XKR9: variants seen among roughly 807,000 people sequenced by gnomAD.
The protein encoded by XKR9 is XK-related protein 9.
Under a neutral mutation model 32.0 loss-of-function variants are expected in XKR9, and 32 were observed. That is an observed-to-expected ratio of 1.00 (90% CI 0.76 to 1.34). XKR9 has a LOEUF of 1.34. Among genes scored for constraint, XKR9 ranks in the 40% most tolerant of loss-of-function variants. The pLI, the probability that XKR9 is intolerant of heterozygous loss-of-function variation, is 0.00. For missense variants in XKR9, 546 were observed against 429.7 expected, an observed-to-expected ratio of 1.27 and a Z score of -2.39; for synonymous variants, 168 against 143.4, an observed-to-expected ratio of 1.17 and a Z score of -1.22.
rs995112676 is a variant in XKR9, at chr8:70,725,543, A to G, written c.494-8253A>G. Among the ~76,000 whole-genome samples the G allele has an allele frequency of 4.6e-5, 7 of 152,162 alleles. No homozygotes were observed. The East Asian group carries it at 1.3e-3, about 29-fold the overall frequency. ...GGGGTGAGGAGATGTAGAGCAAGGT[A>G]CTGCCATTTTTCTTATATACTCTGT... is the stretch of plus-strand genomic sequence containing the variant. On this transcript the variant is annotated intron_variant, in intron 4 of 4. Coordinates refer to ENST00000408926, the MANE Select transcript of XKR9 (RefSeq NM_001011720.2).
the XKR9 span, among the ~76,000 whole-genome samples, chr8:70,876,615 C>T: frequency 2.0e-5 from 3 of 152,098 alleles, no homozygotes; most frequent in Admixed American, 2.0e-4. Flanking sequence ...AAATCCATAA[C>T]TGATACAAAT....
chr8:70,868,588 C>A, the XKR9 span, among the ~76,000 whole-genome samples: 2 of 152,046 alleles, frequency 1.3e-5, no homozygotes, highest in Non-Finnish European at 2.9e-5. Context: ...GCACGAGGAC[C>A]CTGGGCCCAG....
chr8:70,956,881 C>A, the XKR9 span, among the ~76,000 whole-genome samples: 1 of 152,138 alleles, frequency 6.6e-6, no homozygotes, highest in African/African-American at 2.4e-5. Context: ...CCCCTGAGAG[C>A]TCAGGGATGC....
rs113972991 is a variant in XKR9, at chr8:70,786,238, T to A, written n.353-3101T>A. On this transcript the variant is annotated intron_variant and non_coding_transcript_variant, in intron 2 of 3. Coordinates refer to the XKR9 transcript ENST00000520273. The stretch of plus-strand genomic sequence containing the variant: ...ATATTTTGTGTGCACTTCAACACAA[T>A]GTGTATTCTGCTGCTGTTGGATGGA... Among the ~76,000 whole-genome samples the A allele has an allele frequency of 3.9e-3, 593 of 152,294 alleles. 1 individual carries two copies. The highest frequency in any genetic ancestry group is 6.1e-3 in the Non-Finnish European group (417 of 68,004).
rs535251273 is a variant in XKR9, at chr8:70,710,681, G to T, written c.493+3528G>T. Reference sequence around the variant, plus strand: ...ATCGCACCACTGTACTCCAACCTGGGTGACAGAGCGAGACTCCATCTCAAA... The same window carrying T: ...ATCGCACCACTGTACTCCAACCTGGTTGACAGAGCGAGACTCCATCTCAAA... On this transcript the variant is annotated intron_variant, in intron 4 of 4. Coordinates refer to ENST00000408926, the MANE Select transcript of XKR9 (RefSeq NM_001011720.2). Among the ~76,000 whole-genome samples, 10 of 151,890 alleles carry T rather than the reference G, an allele frequency of 6.6e-5. No homozygotes were observed. The East Asian group carries it at 1.7e-3, about 26-fold the overall frequency.
intron 3 of XKR9, among the ~76,000 whole-genome samples, chr8:70,705,676 A>T (rs1372506876): frequency 6.6e-6 from 1 of 152,156 alleles, no homozygotes; most frequent in African/African-American, 2.4e-5. Context: ...AACATATGAT[A>T]AGGACTTCGG....
At chr8:70,776,947 C>CTCTCTCTCTCTATA in intron 2 of XKR9, among the ~76,000 whole-genome samples, 2,259 of 54,172 alleles carry the variant, frequency 0.042, 108 homozygotes, top group East Asian at 0.1. Context: ...CTCTCTCTCT[C>CTCTCTCTCTCTATA]TATATATATA....
the XKR9 span, among the ~76,000 whole-genome samples, chr8:70,881,827 G>A: frequency 6.6e-6 from 1 of 152,172 alleles, no homozygotes; most frequent in Non-Finnish European, 1.5e-5. Context: ...TATGTTTATT[G>A]CGGCACTATT....
At chr8:70,830,386 G>T in the XKR9 span, among the ~76,000 whole-genome samples, 4 of 150,838 alleles carry the variant, frequency 2.7e-5, no homozygotes, top group Non-Finnish European at 5.9e-5. Flanking sequence ...TTCGAGACCT[G>T]CCTGGTCAGC....
the XKR9 span, among the ~76,000 whole-genome samples, chr8:70,963,686 C>T: frequency 2.0e-5 from 3 of 152,144 alleles, no homozygotes; most frequent in Non-Finnish European, 2.9e-5. Flanking sequence ...GGTATCTCAT[C>T]GTGGTTATGA....
chr8:70,758,370 A>G (rs1268616313), intron 2 of XKR9, among the ~76,000 whole-genome samples: 1 of 152,160 alleles, frequency 6.6e-6, no homozygotes, highest in Non-Finnish European at 1.5e-5. Flanking sequence ...ACCCTGGAAT[A>G]TAATTTTTTC....
the XKR9 span, among the ~76,000 whole-genome samples, chr8:70,977,587 G>A: frequency 1.3e-5 from 2 of 152,212 alleles, no homozygotes; most frequent in Admixed American, 6.5e-5. Context: ...TGATTGCACT[G>A]TGGTCTGAGA....
At chr8:70,727,104 G>A (rs1206008657) in intron 4 of XKR9, among the ~76,000 whole-genome samples, 5 of 152,086 alleles carry the variant, frequency 3.3e-5, no homozygotes, top group Admixed American at 3.3e-4. Flanking sequence ...TATATGGCTG[G>A]TATTATGGTT....
chr8:71,059,305 A>G, the XKR9 span, among the ~76,000 whole-genome samples: 4 of 152,168 alleles, frequency 2.6e-5, no homozygotes, highest in East Asian at 7.7e-4. Flanking sequence ...CTCAGAAACC[A>G]CTAACAAGGT....
intron 2 of XKR9, among the ~76,000 whole-genome samples, chr8:70,768,371 T>C (rs1431147934): frequency 6.6e-6 from 1 of 152,208 alleles, no homozygotes; most frequent in Non-Finnish European, 1.5e-5. Flanking sequence ...AAGTGCTACA[T>C]GGTGGTGAGA....
chr8:70,957,833 G>A, the XKR9 span, among the ~76,000 whole-genome samples: 1 of 133,916 alleles, frequency 7.5e-6, no homozygotes, highest in Non-Finnish European at 1.6e-5. Context: ...TCTTGCCCAG[G>A]CTGGAGTGCA....
chr8:70,776,607 G>C (rs765593416), intron 2 of XKR9, among the ~76,000 whole-genome samples: 11 of 151,958 alleles, frequency 7.2e-5, no homozygotes, highest in African/African-American at 1.5e-4. Flanking sequence ...ACTCCCTCCA[G>C]ATCAGTGAGT....
chr8:70,929,438 A>G, the XKR9 span, among the ~76,000 whole-genome samples: 3 of 152,202 alleles, frequency 2.0e-5, no homozygotes, highest in Admixed American at 1.3e-4. Context: ...TGCAATACCT[A>G]TTTAATTAGT....
the XKR9 span, among the ~76,000 whole-genome samples, chr8:70,806,235 A>G: frequency 6.6e-6 from 1 of 152,120 alleles, no homozygotes; most frequent in Non-Finnish European, 1.5e-5. Flanking sequence ...ACAACAACAA[A>G]GAAGTCCCCA....
Sources: gnomAD v4.1 joint callset for allele counts (sites outside exome capture counted in the v4.1 genomes callset) on GRCh38, gnomAD v4.1.1 for gene constraint, MANE v1.5 for transcripts, NCBI Gene and HGNC (gene_info 2026-07-23, HGNC 2026-07-21) for gene names.